LINGO2: variants seen among roughly 807,000 people sequenced by gnomAD.
LINGO2 encodes the protein leucine-rich repeat and immunoglobulin-like domain-containing nogo receptor-interacting protein 2.
Under a neutral mutation model 30.6 loss-of-function variants are expected in LINGO2, and 14 were observed. The ratio of observed to expected loss-of-function variants is 0.46; its 90% CI spans 0.30 to 0.72. The LOEUF (loss-of-function observed/expected upper bound fraction) is 0.72, where lower values mean the gene tolerates loss of function less well. Ranked by LOEUF, LINGO2 falls within the 30% of genes least tolerant of loss-of-function variation. The pLI, the probability that LINGO2 is intolerant of heterozygous loss-of-function variation, is 0.07. For synonymous variants in LINGO2, 317 were observed against 288.5 expected (o/e 1.10, Z -1.00); for missense variants, 729 against 751.7 (o/e 0.97, Z 0.35).
At chr9:28,178,329 G>A (rs1275554332) in intron 4 of LINGO2, among the ~76,000 whole-genome samples, 1 of 152,072 alleles carries the variant, frequency 6.6e-6, no homozygotes, top group African/African-American at 2.4e-5. Context: ...GCTTGAAACC[G>A]TAGTTTACAA....
chr9:28,659,069 C>A (rs922025462), intron 1 of LINGO2, among the ~76,000 whole-genome samples: 1 of 151,940 alleles, frequency 6.6e-6, no homozygotes, highest in African/African-American at 2.4e-5. Flanking sequence ...TAAAATTATG[C>A]TACAATTTTA....
chr9:28,837,374 G>A, the LINGO2 span, among the ~76,000 whole-genome samples: 1 of 151,910 alleles, frequency 6.6e-6, no homozygotes, highest in African/African-American at 2.4e-5. Context: ...GGCCAAGCGT[G>A]GTGGCTCATG....
chr9:28,863,036 G>C, the LINGO2 span, among the ~76,000 whole-genome samples: 15 of 152,114 alleles, frequency 9.9e-5, no homozygotes, highest in African/African-American at 3.4e-4. Context: ...TTCCAGAAGA[G>C]TAAATGAAAA....
At chr9:29,056,639 G>A in the LINGO2 span, among the ~76,000 whole-genome samples, 3 of 152,012 alleles carry the variant, frequency 2.0e-5, no homozygotes, top group Non-Finnish European at 4.4e-5. Context: ...TTGCTTTTGG[G>A]TTCTTGGTCA....
At chr9:28,406,062 T>A (rs2134775792) in intron 2 of LINGO2, among the ~76,000 whole-genome samples, 1 of 152,314 alleles carries the variant, frequency 6.6e-6, no homozygotes, top group East Asian at 1.9e-4. Flanking sequence ...CTTATCTTTA[T>A]TCTAATTCCT....
the LINGO2 span, among the ~76,000 whole-genome samples, chr9:28,969,944 A>G: frequency 6.6e-6 from 1 of 152,222 alleles, no homozygotes; most frequent in Non-Finnish European, 1.5e-5. Flanking sequence ...AGGCAGTTAC[A>G]TCTAGAAATC....
intron 1 of LINGO2, among the ~76,000 whole-genome samples, chr9:28,632,511 C>G (rs1826994025): frequency 6.7e-6 from 1 of 148,290 alleles, no homozygotes; most frequent in Admixed American, 6.8e-5. Flanking sequence ...AGAACTAATT[C>G]TCTCTCTCTC....
At chr9:28,882,945 T>G in the LINGO2 span, among the ~76,000 whole-genome samples, 51 of 152,342 alleles carry the variant, frequency 3.3e-4, no homozygotes, top group African/African-American at 1.2e-3. Context: ...CACAGCTCCC[T>G]CTGATACATT....
At chr9:28,642,203 A>G (rs7854611) in intron 1 of LINGO2, among the ~76,000 whole-genome samples, 37,678 of 151,868 alleles carry the variant, frequency 0.25, 5,104 homozygotes, top group African/African-American at 0.35. Context: ...ACTGAGAAAA[A>G]AAGTTTCCCT....
At chr9:28,586,154 G>A (rs1421682352) in intron 1 of LINGO2, among the ~76,000 whole-genome samples, 4 of 151,930 alleles carry the variant, frequency 2.6e-5, no homozygotes, top group Middle Eastern at 3.4e-3. Context: ...CAGCCACCGT[G>A]GAACATACCT....
intron 4 of LINGO2, among the ~76,000 whole-genome samples, chr9:28,060,907 A>G (rs924833807): frequency 2.0e-5 from 3 of 152,054 alleles, no homozygotes; most frequent in African/African-American, 7.2e-5. Flanking sequence ...CAGGGTTTAC[A>G]GATACGCTGT....
chr9:28,835,937 T>G, the LINGO2 span, among the ~76,000 whole-genome samples: 2 of 152,166 alleles, frequency 1.3e-5, no homozygotes, highest in African/African-American at 4.8e-5. Context: ...CATGATTTCT[T>G]TGATGGCAGG....
At chr9:28,438,606 A>AAT (rs1358964426) in intron 2 of LINGO2, among the ~76,000 whole-genome samples, 1 of 152,004 alleles carries the variant, frequency 6.6e-6, no homozygotes, top group Non-Finnish European at 1.5e-5. Flanking sequence ...TTCTAGCGTA[A>AAT]ATTTCCTTTT....
chr9:29,007,172 A>G, the LINGO2 span, among the ~76,000 whole-genome samples: 1 of 152,210 alleles, frequency 6.6e-6, no homozygotes, highest in Non-Finnish European at 1.5e-5. Flanking sequence ...TTTTAAAGAT[A>G]TACAAAATTG....
At chr9:28,661,312 A>G (rs1828575631) in intron 1 of LINGO2, among the ~76,000 whole-genome samples, 1 of 152,144 alleles carries the variant, frequency 6.6e-6, no homozygotes, top group African/African-American at 2.4e-5. Context: ...TCTGTCAGAA[A>G]GTTGAAAATA....
At chr9:28,544,887 G>A (rs1379218884) in intron 1 of LINGO2, among the ~76,000 whole-genome samples, 8 of 151,044 alleles carry the variant, frequency 5.3e-5, no homozygotes, top group African/African-American at 7.3e-5. Flanking sequence ...GAACTTAAAC[G>A]GTCATCTAAT....
At chr9:28,187,553 G>A (rs534240835) in intron 4 of LINGO2, among the ~76,000 whole-genome samples, 28 of 151,928 alleles carry the variant, frequency 1.8e-4, no homozygotes, top group African/African-American at 6.8e-4. Context: ...CTTCACTACT[G>A]GATGGATAGA....
chr9:28,706,035 C>A, the LINGO2 span, among the ~76,000 whole-genome samples: 1 of 152,090 alleles, frequency 6.6e-6, no homozygotes, highest in Middle Eastern at 3.4e-3. Flanking sequence ...GCTTTTCAGA[C>A]AATAAAAATA....
rs140803654 is a variant in LINGO2, at chr9:28,001,521, C to T, written c.-36+10834G>A. Among the ~76,000 whole-genome samples the T allele has an allele frequency of 8.8e-3, 1,239 of 140,412 alleles. 9 individuals are homozygous for T. The highest frequency in any genetic ancestry group is 0.014 in the Non-Finnish European group (872 of 61,656). The allele number at this position is 140,412 out of a possible 152,430, so 92.1% of individuals were successfully genotyped here. On this transcript the variant is annotated intron_variant, in intron 5 of 5. Coordinates refer to ENST00000379992, the Ensembl canonical transcript of LINGO2. The stretch of plus-strand genomic sequence containing the variant: ...CAAAATATGCTCCCAATCTTCTGCG[C>T]CTGTGTTACATTCAGTGCTACTTAA...
Sources: gnomAD v4.1 joint callset for allele counts (sites outside exome capture counted in the v4.1 genomes callset) on GRCh38, gnomAD v4.1.1 for gene constraint, MANE v1.5 for transcripts, NCBI Gene and HGNC (gene_info 2026-07-23, HGNC 2026-07-21) for gene names.